Variants in VPS13C observed in about 807,000 individuals in gnomAD.
The protein encoded by VPS13C is intermembrane lipid transfer protein VPS13C.
In VPS13C, 358 loss-of-function variants were observed where a neutral mutation model predicts 456.8. The observed-to-expected ratio is 0.78, with a 90% CI of 0.72 to 0.86. The LOEUF (loss-of-function observed/expected upper bound fraction) is 0.86. Among genes scored for constraint, VPS13C ranks in the 40% least tolerant of loss-of-function variants. The probability of loss-of-function intolerance (pLI) is 0.00; values close to 1 mark genes in which losing one functional copy is unlikely to be tolerated. For missense variants in VPS13C, 4,818 were observed against 4,385.4 expected (o/e 1.10, Z -2.79); for synonymous variants, 1,578 against 1,486.7 (o/e 1.06, Z -1.41).
At chr15:62,000,410 T>C (rs530736021) in intron 16 of VPS13C, among the ~76,000 whole-genome samples, 154 bp downstream of exon 16, 3 of 152,222 alleles carry the variant, frequency 2.0e-5, no homozygotes, top group African/African-American at 7.2e-5. Flanking sequence ...CCCTTCATAT[T>C]AGTGGCTTTT....
chr15:62,059,621 G>A (rs1227257918), intron 1 of VPS13C, among the ~76,000 whole-genome samples: 1 of 152,122 alleles, frequency 6.6e-6, no homozygotes, highest in African/African-American at 2.4e-5. Context: ...TCTCTCTATT[G>A]CTCCAAAACA....
intron 55 of VPS13C, among the ~76,000 whole-genome samples, 188 bp downstream of exon 55, chr15:61,921,759 A>G (rs894263853): frequency 1.3e-5 from 2 of 152,064 alleles, no homozygotes; most frequent in African/African-American, 4.8e-5. Context: ...GTCTCTGGAA[A>G]ACTCCACTAT....
intron 81 of VPS13C, among the ~76,000 whole-genome samples, chr15:61,868,267 GA>G (rs1406168286): frequency 6.6e-6 from 1 of 151,704 alleles, no homozygotes; most frequent in African/African-American, 2.4e-5. Flanking sequence ...CTAGTTACTG[GA>G]ATAAATCTAG....
chr15:61,946,949 CATA>C (rs2044627967), intron 43 of VPS13C, among the ~76,000 whole-genome samples: 1 of 152,044 alleles, frequency 6.6e-6, no homozygotes, highest in South Asian at 2.1e-4. Context: ...TTTCTAAAGG[CATA>C]ATGATTTCTG....
intron 9 of VPS13C, among the ~76,000 whole-genome samples, chr15:62,015,960 CAAAAAAA>C (rs67786303): frequency 3.9e-4 from 28 of 72,422 alleles, no homozygotes; most frequent in Middle Eastern, 8.9e-3. Context: ...AAAAGAAGTC[CAAAAAAA>C]AAAAAAAAAA....
intron 1 of VPS13C, among the ~76,000 whole-genome samples, chr15:62,056,247 G>C (rs901215818): frequency 6.6e-6 from 1 of 152,184 alleles, no homozygotes; most frequent in African/African-American, 2.4e-5. Flanking sequence ...ATACCATATA[G>C]ATCTTAGAGA....
chr15:62,015,714 G>C (rs2047213789), intron 9 of VPS13C, among the ~76,000 whole-genome samples: 1 of 127,660 alleles, frequency 7.8e-6, no homozygotes, highest in Non-Finnish European at 1.6e-5. Flanking sequence ...CTCATAGGTG[G>C]GAATTGAACA....
At chr15:61,865,887 A>T (rs1826026847) in intron 81 of VPS13C, 1 of 962,154 alleles carries the variant, frequency 1.0e-6, no homozygotes, top group East Asian at 1.2e-4. Flanking sequence ...TCAAAGCTGC[A>T]TATTAAAGAA....
chr15:61,954,331 A>G (rs1230626797), intron 38 of VPS13C, 90 bp downstream of exon 38: 4 of 1,397,506 alleles, frequency 2.9e-6, no homozygotes, highest in Non-Finnish European at 3.9e-6. Context: ...TTTTTTCATC[A>G]GTATCAATTA....
intron 81 of VPS13C, chr15:61,865,936 CA>C (rs1566955500): frequency 1.2e-5 from 12 of 982,886 alleles, no homozygotes; most frequent in Non-Finnish European, 1.4e-5. Context: ...ACATGAGGAT[CA>C]AAAGATCCCC....
chr15:62,036,657 A>C (rs193058371), intron 3 of VPS13C, among the ~76,000 whole-genome samples: 2 of 152,184 alleles, frequency 1.3e-5, no homozygotes, highest in South Asian at 2.1e-4. Context: ...CTTGGTGAGC[A>C]TAAGACAGAA....
chr15:61,865,999 T>C (rs1031316053), intron 81 of VPS13C: 1 of 983,780 alleles, frequency 1.0e-6, no homozygotes, highest in Non-Finnish European at 1.2e-6. Flanking sequence ...AAAGATATAC[T>C]TTTATACTCT....
At chr15:61,925,188 C>A (rs543192821) in intron 53 of VPS13C, among the ~76,000 whole-genome samples, 13 of 151,970 alleles carry the variant, frequency 8.6e-5, no homozygotes, top group Non-Finnish European at 1.8e-4. Flanking sequence ...CCAACTCAAC[C>A]CCCACAACAC....
intron 1 of VPS13C, among the ~76,000 whole-genome samples, chr15:62,049,208 G>A (rs1393394463): frequency 6.6e-6 from 1 of 152,182 alleles, no homozygotes; most frequent in Non-Finnish European, 1.5e-5. Flanking sequence ...TATTGCCTAG[G>A]TTTTCTTCTA....
chr15:61,957,809 T>C (rs5006593), intron 37 of VPS13C, among the ~76,000 whole-genome samples: 102,515 of 151,932 alleles, frequency 0.67, 35,724 homozygotes, highest in African/African-American at 0.85. Flanking sequence ...AAATGTCTAG[T>C]GCTAGGAACT....
chr15:61,854,156 G>T lies in VPS13C; in HGVS notation c.*301C>A. The stretch of plus-strand genomic sequence containing the variant: ...GGCTTTAATTAAATATAAGCCTATT[G>T]ACCTTTGCTTCACAATTTTAATATT... On this transcript the variant is annotated 3_prime_UTR_variant, in exon 85 of 85. Coordinates refer to ENST00000644861, the MANE Select transcript of VPS13C (RefSeq NM_020821.3). 2.5e-6 allele frequency: 1 copy of T among 393,686 alleles called. No homozygotes were observed. The highest frequency in any genetic ancestry group is 4.6e-6 in the Non-Finnish European group (1 of 215,342). The allele number at this position is 393,686 out of a possible 1,614,324, so 24.4% of individuals were successfully genotyped here.
rs78445252 is a variant in VPS13C at position 61,864,958 on chromosome 15, C to T, written c.10864-1430G>A. 2.8e-3 allele frequency: 2,701 copies of T among 980,784 alleles called. 63 individuals carry two copies. The African/African-American group carries it at 0.043, about 16-fold the overall frequency. 60.8% of individuals were successfully genotyped at this position (980,784 alleles called of 1,614,324 possible). On this transcript the variant is annotated intron_variant, in intron 81 of 84. Coordinates refer to ENST00000644861, the MANE Select transcript of VPS13C (RefSeq NM_020821.3). ...CCACTTTCTATCTTGTATGTATTTT[C>T]GTTAGTTATTAGGCTATTGTGCTTC...
At chr15:61,865,772 A>G (rs28588776) in intron 81 of VPS13C, 1 of 722,282 alleles carries the variant, frequency 1.4e-6, no homozygotes, top group Non-Finnish European at 1.7e-6. Context: ...GTACGTGTGT[A>G]TATATGTATG....
At chr15:61,964,566 G>C in intron 31 of VPS13C, 133 bp downstream of exon 31, 1 of 826,062 alleles carries the variant, frequency 1.2e-6, no homozygotes, top group Non-Finnish European at 1.8e-6. Context: ...TCAGGTGCTC[G>C]CATATAATTT....
Sources: allele counts gnomAD v4.1 joint callset (sites outside exome capture counted in the v4.1 genomes callset), GRCh38; gene constraint gnomAD v4.1.1; transcripts MANE v1.5; gene names NCBI Gene and HGNC (gene_info 2026-07-23, HGNC 2026-07-21).